The following FARS2 variants were observed in gnomAD, a reference collection of about 807,000 sequenced individuals.
The protein encoded by FARS2 is phenylalanine--tRNA ligase, mitochondrial.
In FARS2, 40 loss-of-function variants were observed where a neutral mutation model predicts 46.4. That is an observed-to-expected ratio of 0.86 (90% confidence interval 0.67 to 1.12). FARS2 has a LOEUF of 1.12. FARS2 is among the 50% of genes most tolerant of loss of function. The pLI is 0.00. For missense variants in FARS2, 513 were observed against 567.9 expected (o/e 0.90, Z 0.98); for synonymous variants, 234 against 214.9 (o/e 1.09, Z -0.78).
At chr6:5,348,571 C>T (rs1475388378) in intron 1 of FARS2, among the ~76,000 whole-genome samples, 5 of 53,624 alleles carry the variant, frequency 9.3e-5, no homozygotes, top group Non-Finnish European at 1.8e-4. Context: ...TCTGTGCCAC[C>T]GTGGTTCTTG....
chr6:5,272,764 A>C (rs1433025962), intron 1 of FARS2, among the ~76,000 whole-genome samples: 1 of 152,170 alleles, frequency 6.6e-6, no homozygotes, highest in African/African-American at 2.4e-5. Context: ...TATCTCTTCT[A>C]TCAAGCTGTA....
chr6:5,566,820 A>G (rs371461145), intron 5 of FARS2, among the ~76,000 whole-genome samples: 1 of 152,242 alleles, frequency 6.6e-6, no homozygotes, highest in South Asian at 2.1e-4. Flanking sequence ...GAACTTTACA[A>G]AAAGTCCCCT....
At position 5,521,245 on chromosome 6, in the gene FARS2, G is replaced by T. The variant is rs1769117529; in HGVS notation, c.905-23935G>T. Among the ~76,000 whole-genome samples, 3 of 152,172 alleles carry T rather than the reference G, an allele frequency of 2.0e-5. No individual in the cohort carries two copies. In the South Asian group the frequency reaches 6.2e-4, roughly 32 times the overall value. ...TTTTATGTAAGATTTAGGTTTTGGTGCTGCCAGGCAGTGGGAAATTCTGTA... is the reference window on the plus strand; with the variant it reads ...TTTTATGTAAGATTTAGGTTTTGGTTCTGCCAGGCAGTGGGAAATTCTGTA... On this transcript the variant is annotated intron_variant, in intron 4 of 6. Coordinates refer to ENST00000274680, the MANE Select transcript of FARS2 (RefSeq NM_006567.5).
intron 1 of FARS2, among the ~76,000 whole-genome samples, chr6:5,286,396 G>C (rs553212273): frequency 4.6e-5 from 7 of 152,190 alleles, no homozygotes; most frequent in Admixed American, 1.3e-4. Context: ...CCAAGTAGCT[G>C]GGACTACAGT....
chr6:5,255,645 C>A, the FARS2 span, among the ~76,000 whole-genome samples: 1 of 152,110 alleles, frequency 6.6e-6, no homozygotes, highest in Non-Finnish European at 1.5e-5. Flanking sequence ...TCTTCTTCAG[C>A]CAACTACTTC....
At chr6:5,633,903 C>T (rs1776417458) in intron 6 of FARS2, among the ~76,000 whole-genome samples, 1 of 152,132 alleles carries the variant, frequency 6.6e-6, no homozygotes, top group African/African-American at 2.4e-5. Context: ...ACCCAAAATA[C>T]TAGTCCATTT....
At chr6:5,341,222 TA>T (rs1771592529) in intron 1 of FARS2, among the ~76,000 whole-genome samples, 9 of 7,256 alleles carry the variant, frequency 1.2e-3, no homozygotes, top group African/African-American at 2.8e-3. Flanking sequence ...TATATATATA[TA>T]TATATATATA....
chr6:5,421,747 G>T (rs149594996), intron 3 of FARS2, among the ~76,000 whole-genome samples: 1 of 152,116 alleles, frequency 6.6e-6, no homozygotes, highest in African/African-American at 2.4e-5. Flanking sequence ...CTCCATTTCC[G>T]AACAAGTTCC....
intron 5 of FARS2, among the ~76,000 whole-genome samples, chr6:5,569,340 G>A (rs1052247128): frequency 4.6e-5 from 7 of 151,648 alleles, no homozygotes; most frequent in African/African-American, 4.8e-5. Context: ...GGGCTCGGTC[G>A]ATCCTCCCAC....
intron 6 of FARS2, among the ~76,000 whole-genome samples, chr6:5,645,480 C>T (rs776826582): frequency 2.6e-5 from 4 of 152,190 alleles, no homozygotes; most frequent in South Asian, 2.1e-4. Flanking sequence ...CACACACAGT[C>T]GGGCCAGGTT....
intron 4 of FARS2, among the ~76,000 whole-genome samples, chr6:5,435,370 T>C (rs1327031011): frequency 6.6e-6 from 1 of 152,256 alleles, no homozygotes; most frequent in Non-Finnish European, 1.5e-5. Flanking sequence ...TGAAATTAGA[T>C]TGCTAATTTG....
chr6:5,473,513 C>T (rs570889838), intron 4 of FARS2, among the ~76,000 whole-genome samples: 14 of 128,202 alleles, frequency 1.1e-4, no homozygotes, highest in South Asian at 2.5e-4. Flanking sequence ...GGCGACAGAG[C>T]GAGACTCTGT....
chr6:5,377,090 A>G (rs773324598), intron 2 of FARS2, among the ~76,000 whole-genome samples: 1 of 152,222 alleles, frequency 6.6e-6, no homozygotes, highest in Non-Finnish European at 1.5e-5. Context: ...AACATTTGAG[A>G]CATTTAGTTT....
chr6:5,251,746 A>G, the FARS2 span, among the ~76,000 whole-genome samples: 1 of 152,214 alleles, frequency 6.6e-6, no homozygotes, highest in Non-Finnish European at 1.5e-5. Flanking sequence ...GTATCATTGC[A>G]TGCTAGCCTT....
intron 6 of FARS2, among the ~76,000 whole-genome samples, chr6:5,623,244 T>A (rs1159887173): frequency 6.6e-6 from 1 of 152,212 alleles, no homozygotes; most frequent in African/African-American, 2.4e-5. Context: ...ATCTAACTTG[T>A]ACTTTAAAAT....
chr6:5,414,892 T>C (rs377527666), intron 3 of FARS2, among the ~76,000 whole-genome samples: 160 of 143,700 alleles, frequency 1.1e-3, no homozygotes, highest in Middle Eastern at 7.6e-3. Context: ...CTCGGCTCAC[T>C]GCAACCTCCG....
upstream of FARS2, chr6:5,260,598 T>TGCCCCGGCCCCGGGGCCCCCCCCCCCC: frequency 1.8e-6 from 2 of 1,105,568 alleles, no homozygotes; most frequent in Non-Finnish European, 2.6e-6. Context: ...GCACCCCCGG[T>TGCCCCGGCCCCGGGGCCCCCCCCCCCC]CCCCGGCCCC....
chr6:5,682,611 C>T (rs1779090155), intron 6 of FARS2, among the ~76,000 whole-genome samples: 1 of 152,314 alleles, frequency 6.6e-6, no homozygotes, highest in South Asian at 2.1e-4. Flanking sequence ...GGCTTTTCCC[C>T]CTTGCCTTGC....
chr6:5,623,435 C>T (rs1014829540), intron 6 of FARS2, among the ~76,000 whole-genome samples: 5 of 152,228 alleles, frequency 3.3e-5, no homozygotes, highest in East Asian at 1.9e-4. Flanking sequence ...ACTTGTAGGC[C>T]GGGCACGGTG....
Sources: gnomAD v4.1 joint callset for allele counts (sites outside exome capture counted in the v4.1 genomes callset) on GRCh38, gnomAD v4.1.1 for gene constraint, MANE v1.5 for transcripts, NCBI Gene and HGNC (gene_info 2026-07-23, HGNC 2026-07-21) for gene names.